GAS2: variants seen among roughly 807,000 people sequenced by gnomAD.
The protein encoded by GAS2 is growth arrest specific 2, also known as growth arrest-specific protein 2.
Under a neutral mutation model 37.5 loss-of-function variants are expected in GAS2, and 20 were observed. The ratio of observed to expected loss-of-function variants is 0.53; its 90% confidence interval spans 0.37 to 0.77. The LOEUF (loss-of-function observed/expected upper bound fraction) is 0.77. Ranked by LOEUF, GAS2 falls within the 30% of genes least tolerant of loss-of-function variation. GAS2 has a pLI of 0.00. For synonymous variants in GAS2, 144 were observed against 132.2 expected, an observed-to-expected ratio of 1.09 and a Z score of -0.61; for missense variants, 336 against 373.4, an observed-to-expected ratio of 0.90 and a Z score of 0.82.
chr11:22,635,624 T>C (rs547482367), intron 1 of GAS2, among the ~76,000 whole-genome samples: 82 of 152,356 alleles, frequency 5.4e-4, no homozygotes, highest in African/African-American at 1.8e-3. Context: ...CTGTGGCTTA[T>C]AGTACTTCCC....
chr11:22,716,455 C>A (rs929279433), intron 3 of GAS2, among the ~76,000 whole-genome samples: 1 of 151,936 alleles, frequency 6.6e-6, no homozygotes, highest in Non-Finnish European at 1.5e-5. Context: ...GCCTGGCCAA[C>A]ATGGTGAAAC....
chr11:22,739,466 G>A (rs984753661), intron 5 of GAS2, among the ~76,000 whole-genome samples: 1 of 150,334 alleles, frequency 6.7e-6, no homozygotes, highest in Non-Finnish European at 1.5e-5. Context: ...CCCAGCTATC[G>A]GGAGGCTGAG....
intron 1 of GAS2, among the ~76,000 whole-genome samples, chr11:22,670,890 C>G (rs2030160): frequency 0.55 from 84,174 of 151,670 alleles, 25,895 homozygotes; most frequent in East Asian, 0.76. Context: ...TATATCATTT[C>G]ATGTTTTTTG....
At chr11:22,725,087 C>G (rs1590714057) in intron 3 of GAS2, among the ~76,000 whole-genome samples, 1 of 152,020 alleles carries the variant, frequency 6.6e-6, no homozygotes, top group East Asian at 1.9e-4. Flanking sequence ...CCCAGTTCAC[C>G]CGAAGTCATG....
At chr11:22,631,619 C>T (rs1258484435) in intron 1 of GAS2, among the ~76,000 whole-genome samples, 3 of 152,092 alleles carry the variant, frequency 2.0e-5, no homozygotes, top group Non-Finnish European at 2.9e-5. Flanking sequence ...TGATGAACCA[C>T]ATTTTTTGAC....
At chr11:22,756,311 A>G (rs1854039466) in intron 7 of GAS2, among the ~76,000 whole-genome samples, 1 of 152,120 alleles carries the variant, frequency 6.6e-6, no homozygotes, top group Non-Finnish European at 1.5e-5. Flanking sequence ...AAAAGAAAAG[A>G]AAAGAAAATG....
chr11:22,761,355 A>G (rs1225036231), intron 7 of GAS2, among the ~76,000 whole-genome samples: 1 of 152,214 alleles, frequency 6.6e-6, no homozygotes, highest in South Asian at 2.1e-4. Flanking sequence ...TAGAACATCT[A>G]TGTGATAAGG....
At position 22,737,721 on chromosome 11, in the gene GAS2, C is replaced by G; in HGVS notation, c.426C>G (p.Pro142=). ...ESEGLVLHKQ[P]REVCLCLLEL... ...GTCTTTCAGTCCTCCACAAGCAACC[C>G]AGAGAAGTGTGTCTCTGTCTGCTAG... Residue 142 remains proline, a synonymous_variant, in exon 5 of 8, where the codon CCC becomes CCG. Transcript: ENST00000454584. The G allele has an allele frequency of 6.2e-7, 1 of 1,614,100 alleles. No individual in the cohort carries two copies. Among genetic ancestry groups the G allele is most frequent in the Non-Finnish European group, 8.5e-7 (1 of 1,179,980 alleles).
intron 7 of GAS2, among the ~76,000 whole-genome samples, chr11:22,797,733 T>G (rs1856496937): frequency 6.6e-6 from 1 of 152,098 alleles, no homozygotes; most frequent in African/African-American, 2.4e-5. Context: ...TAAGATTTCA[T>G]TTTTGAATGT....
chr11:22,774,383 C>T (rs1287444255), intron 7 of GAS2, among the ~76,000 whole-genome samples: 1 of 152,236 alleles, frequency 6.6e-6, no homozygotes, highest in Non-Finnish European at 1.5e-5. Flanking sequence ...TCTCAACTTA[C>T]TAGGTGTTAG....
At chr11:22,664,877 CA>C (rs201426670), upstream of GAS2, among the ~76,000 whole-genome samples, 3 of 151,118 alleles carry the variant, frequency 2.0e-5, no homozygotes, top group Non-Finnish European at 3.0e-5. Context: ...CTTTTGTCAC[CA>C]AAAAAAATAT....
intron 7 of GAS2, among the ~76,000 whole-genome samples, chr11:22,779,602 A>T (rs1855447110): frequency 6.6e-6 from 1 of 152,026 alleles, no homozygotes; most frequent in South Asian, 2.1e-4. Flanking sequence ...GGAGGCTGAG[A>T]CAGGAAAATT....
chr11:22,645,201 A>C (rs992689797), intron 1 of GAS2, among the ~76,000 whole-genome samples: 2 of 152,086 alleles, frequency 1.3e-5, no homozygotes, highest in Non-Finnish European at 2.9e-5. Flanking sequence ...GATACTAATA[A>C]AGGCAAGATT....
intron 6 of GAS2, among the ~76,000 whole-genome samples, chr11:22,749,611 T>C (rs1479671114): frequency 1.3e-5 from 2 of 151,978 alleles, no homozygotes; most frequent in African/African-American, 2.4e-5. Flanking sequence ...TTGAGGATTG[T>C]TAAAGAAGGG....
At chr11:22,626,046 A>G (rs1858647717) in intron 1 of GAS2, 3 of 570,222 alleles carry the variant, frequency 5.3e-6, no homozygotes, top group Admixed American at 5.9e-5. Context: ...GATGTAGGGC[A>G]TCCTACCGAG....
chr11:22,647,184 G>C (rs1286514707), intron 1 of GAS2, among the ~76,000 whole-genome samples: 1 of 148,660 alleles, frequency 6.7e-6, no homozygotes, highest in Admixed American at 6.9e-5. Flanking sequence ...TTGGTTGTTT[G>C]TTCTTGCGAT....
At chr11:22,758,702 T>C (rs1001828845) in intron 7 of GAS2, among the ~76,000 whole-genome samples, 2 of 151,932 alleles carry the variant, frequency 1.3e-5, no homozygotes, top group African/African-American at 4.8e-5. Context: ...TCACCTGAGG[T>C]TGGGAGTTCG....
At chr11:22,765,829 G>A (rs991626340) in intron 7 of GAS2, among the ~76,000 whole-genome samples, 3 of 151,984 alleles carry the variant, frequency 2.0e-5, no homozygotes, top group Admixed American at 1.3e-4. Context: ...AAAGAATATA[G>A]GTTTAATTGG....
At chr11:22,732,332 A>G (rs1326978579) in intron 4 of GAS2, among the ~76,000 whole-genome samples, 1 of 151,620 alleles carries the variant, frequency 6.6e-6, no homozygotes, top group African/African-American at 2.4e-5. Flanking sequence ...GGCAAAGGCA[A>G]TGAAATTCAT....
Sources: allele counts gnomAD v4.1 joint callset (sites outside exome capture counted in the v4.1 genomes callset), GRCh38; gene constraint gnomAD v4.1.1; transcripts MANE v1.5; gene names NCBI Gene and HGNC (gene_info 2026-07-23, HGNC 2026-07-21).